The following NFATC2 variants were observed in gnomAD, a reference collection of about 807,000 sequenced individuals.
NFATC2 encodes the protein nuclear factor of activated T-cells, cytoplasmic 2.
A neutral mutation model predicts 87.3 loss-of-function variants in NFATC2; 22 were observed. The observed-to-expected ratio is 0.25, with a 90% CI of 0.18 to 0.36. The LOEUF (loss-of-function observed/expected upper bound fraction) is 0.36, where lower values mean the gene tolerates loss of function less well. Ranked by LOEUF, NFATC2 falls within the 10% of genes least tolerant of loss-of-function variation. The pLI is 1.00. For missense variants in NFATC2, 1,149 were observed against 1,259.1 expected (o/e 0.91, Z 1.32); for synonymous variants, 565 against 542.2 (o/e 1.04, Z -0.58).
chr20:51,406,986 A>AGAT, intron 9 of NFATC2, among the ~76,000 whole-genome samples: 1 of 152,290 alleles, frequency 6.6e-6, no homozygotes, highest in Admixed American at 6.5e-5. Context: ...TTAAGACTGA[A>AGAT]GATGATCTGC....
At chr20:51,536,417 C>A (rs1032940003) in intron 1 of NFATC2, among the ~76,000 whole-genome samples, 2 of 152,296 alleles carry the variant, frequency 1.3e-5, no homozygotes, top group African/African-American at 4.8e-5. Flanking sequence ...TACCTTACCC[C>A]CAAGAACCTG....
intron 2 of NFATC2, among the ~76,000 whole-genome samples, chr20:51,519,751 TAAAAAAAA>T (rs66928164): frequency 8.2e-6 from 1 of 122,696 alleles, no homozygotes; most frequent in African/African-American, 3.1e-5. Flanking sequence ...CCATCTCTAC[TAAAAAAAA>T]AAAAAAAAAA....
intron 1 of NFATC2, among the ~76,000 whole-genome samples, chr20:51,557,961 A>T (rs1008074419): frequency 2.0e-5 from 3 of 152,172 alleles, no homozygotes; most frequent in African/African-American, 7.2e-5. Flanking sequence ...GCAGCACAGG[A>T]CAGAGGCCAG....
intron 3 of NFATC2, among the ~76,000 whole-genome samples, chr20:51,500,662 C>G (rs1197654441): frequency 1.8e-5 from 2 of 110,024 alleles, no homozygotes; most frequent in East Asian, 6.1e-4. Flanking sequence ...CCCCCCTCCA[C>G]CCCCACCCTC....
At chr20:51,425,036 G>A (rs912097303) in intron 9 of NFATC2, among the ~76,000 whole-genome samples, 3 of 151,968 alleles carry the variant, frequency 2.0e-5, no homozygotes, top group Non-Finnish European at 4.4e-5. Context: ...ACATTTCATG[G>A]CATGGAGATT....
intron 4 of NFATC2, 114 bp downstream of exon 4, chr20:51,475,344 G>A: frequency 1.1e-6 from 1 of 945,702 alleles, no homozygotes; most frequent in Non-Finnish European, 1.7e-6. Context: ...ACTGAGAACT[G>A]CCATCAACAG....
intron 9 of NFATC2, among the ~76,000 whole-genome samples, chr20:51,405,733 G>A (rs1271013420): frequency 6.6e-6 from 1 of 152,146 alleles, no homozygotes; most frequent in Non-Finnish European, 1.5e-5. Context: ...CATAGTAGGT[G>A]CTCAGTAAAA....
At chr20:51,492,434 C>T (rs1432643732) in intron 3 of NFATC2, among the ~76,000 whole-genome samples, 1 of 152,230 alleles carries the variant, frequency 6.6e-6, no homozygotes, top group African/African-American at 2.4e-5. Context: ...CTGCGCTAAA[C>T]GTCATCCGTC....
At position 51,391,313 on chromosome 20, in the gene NFATC2, A is replaced by G; in HGVS notation, c.*183T>C. 2 of 1,437,722 alleles carry G rather than the reference A, an allele frequency of 1.4e-6. No homozygotes were observed. The highest frequency in any genetic ancestry group is 1.8e-4 in the Middle Eastern group (1 of 5,626). 89.1% of individuals were successfully genotyped at this position (1,437,722 alleles called of 1,614,324 possible). On this transcript the variant is annotated 3_prime_UTR_variant, in exon 11 of 11. Coordinates refer to ENST00000371564, the MANE Select transcript of NFATC2 (RefSeq NM_012340.5). ...GTGTGGACTCCGGGCTGGGAGATGA[A>G]CATGAAAGGAGACAGAAGGTGAGGG...
intron 4 of NFATC2, among the ~76,000 whole-genome samples, chr20:51,474,887 C>A (rs1988565093): frequency 6.6e-6 from 1 of 152,098 alleles, no homozygotes; most frequent in African/African-American, 2.4e-5. Context: ...GTAAATTTAA[C>A]CTGATCCCAT....
At position 51,432,142 on chromosome 20, in the gene NFATC2, C is replaced by T. The variant is rs771002433; in HGVS notation, c.2647G>A (p.Asp883Asn). Residue 883 changes from aspartate (D) to asparagine (N), a missense_variant, in exon 9 of 11, where the codon GAC becomes AAC. Transcript: ENST00000371564. The surrounding 1 kb of genome is among the most constrained non-coding windows in gnomAD (Gnocchi z 4.6). Reference protein sequence around the residue: ...RAAKNGPPVSDQKEVLPAGVT... With the variant: ...RAAKNGPPVSNQKEVLPAGVT... ...CCCGCAGGTAATACTTCCTTTTGGTCACTGACCGGGGGTCCGTTTTTGGCG... is the reference window on the plus strand; with the variant it reads ...CCCGCAGGTAATACTTCCTTTTGGTTACTGACCGGGGGTCCGTTTTTGGCG... 2 of 1,589,612 alleles carry T rather than the reference C, an allele frequency of 1.3e-6. No individual in the cohort carries two copies. The highest frequency in any genetic ancestry group is 8.6e-7 in the Non-Finnish European group (1 of 1,165,024).
intron 1 of NFATC2, among the ~76,000 whole-genome samples, chr20:51,558,442 A>T (rs1272866440): frequency 1.3e-5 from 2 of 152,004 alleles, no homozygotes; most frequent in Non-Finnish European, 2.9e-5. Flanking sequence ...GAGAAAACGC[A>T]TGAGAAAGTA....
chr20:51,489,956 T>C (rs1293764382), intron 3 of NFATC2, among the ~76,000 whole-genome samples: 1 of 152,244 alleles, frequency 6.6e-6, no homozygotes, highest in Non-Finnish European at 1.5e-5. Flanking sequence ...GCTTACTTTC[T>C]GTCTGGTTTC....
At chr20:51,481,638 G>A (rs553975514) in intron 3 of NFATC2, among the ~76,000 whole-genome samples, 23 of 152,256 alleles carry the variant, frequency 1.5e-4, no homozygotes, top group Admixed American at 5.2e-4. Context: ...GGCCCAGGCT[G>A]CAGCTTGGTG....
At chr20:51,516,985 T>C in intron 2 of NFATC2, 30 bp from the exon 3 acceptor site, 1 of 1,581,690 alleles carries the variant, frequency 6.3e-7, no homozygotes, top group Non-Finnish European at 8.6e-7. Flanking sequence ...CAGCCATGTG[T>C]GCAATAAACC....
intron 3 of NFATC2, among the ~76,000 whole-genome samples, chr20:51,500,883 G>A (rs143761836): frequency 5.4e-4 from 27 of 50,032 alleles, no homozygotes; most frequent in African/African-American, 2.2e-3. Context: ...GGGTGAGAAG[G>A]AGGAACCAAC....
At position 51,391,332 on chromosome 20, in the gene NFATC2, G is replaced by C; in HGVS notation, c.*164C>G. 1.3e-6 allele frequency: 2 copies of C among 1,519,332 alleles called. No homozygotes were observed. The highest frequency in any genetic ancestry group is 9.1e-7 in the Non-Finnish European group (1 of 1,094,104). 94.1% of individuals were successfully genotyped at this position (1,519,332 alleles called of 1,614,324 possible). A position where few individuals can be genotyped will look rare whatever the true frequency, so the allele number is the denominator to read the frequency against. ...AGATGAACATGAAAGGAGACAGAAGGTGAGGGGCTGTGGAGGGCTCCGAGG... is the reference window on the plus strand; with the variant it reads ...AGATGAACATGAAAGGAGACAGAAGCTGAGGGGCTGTGGAGGGCTCCGAGG... On this transcript the variant is annotated 3_prime_UTR_variant, in exon 11 of 11. Transcript: ENST00000371564.
intron 6 of NFATC2, among the ~76,000 whole-genome samples, chr20:51,443,190 C>T (rs936051470): frequency 6.6e-6 from 1 of 152,078 alleles, no homozygotes; most frequent in Non-Finnish European, 1.5e-5. Flanking sequence ...CCTACACCAT[C>T]CCCTTATAAC....
intron 9 of NFATC2, among the ~76,000 whole-genome samples, chr20:51,421,903 T>G (rs893445261): frequency 4.6e-5 from 7 of 152,006 alleles, no homozygotes; most frequent in Non-Finnish European, 7.3e-5. Context: ...TTTCATCAAG[T>G]TTGGGTCAAT....
Sources: allele counts gnomAD v4.1 joint callset (sites outside exome capture counted in the v4.1 genomes callset), GRCh38; gene constraint gnomAD v4.1.1; non-coding constraint Gnocchi (gnomAD v3.1); transcripts MANE v1.5; gene names NCBI Gene and HGNC (gene_info 2026-07-23, HGNC 2026-07-21).